PPIB: variants seen among roughly 807,000 people sequenced by gnomAD.
PPIB encodes peptidyl-prolyl cis-trans isomerase B.
A neutral mutation model predicts 20.1 loss-of-function variants in PPIB; 15 were observed. That is an observed-to-expected ratio of 0.75 (90% CI 0.50 to 1.15). The LOEUF is 1.15. Ranked by LOEUF, PPIB falls within the 50% of genes most tolerant of loss-of-function variation. The pLI, the probability that PPIB is intolerant of heterozygous loss-of-function variation, is 0.00. For synonymous variants in PPIB, 129 were observed against 111.0 expected, an observed-to-expected ratio of 1.16 and a Z score of -1.02; for missense variants, 278 against 283.0, an observed-to-expected ratio of 0.98 and a Z score of 0.13.
In PPIB at chr15:64,161,308, CTA is replaced by C. The variant is rs980998804; in HGVS notation, c.249+731_249+732del. On this transcript the variant is annotated intron_variant, in intron 2 of 4. Coordinates refer to ENST00000300026, the MANE Select transcript of PPIB (RefSeq NM_000942.5). The surrounding 1 kb of genome is among the most constrained non-coding windows in gnomAD (Gnocchi z 4.2). ...TTTTTTTTTGAGACAGGGTCTCACT[CTA>C]TTGCTCAGGCTGGAGTGCAGTGGCA... Among the ~76,000 whole-genome samples the C allele has an allele frequency of 6.6e-6, 1 of 151,486 alleles. No individual in the cohort carries two copies. The highest frequency in any genetic ancestry group is 2.4e-5 in the African/African-American group (1 of 41,176).
chr15:64,159,587 A>G lies in PPIB; in HGVS notation c.343+517T>C. On this transcript the variant is annotated intron_variant, in intron 3 of 4. Transcript: ENST00000300026. This position sits in a 1 kb window ranked among gnomAD's most constrained non-coding sequence, Gnocchi z 5.1. ...GGCTAATCTTTTGTATTTTTAGTAG[A>G]GATGGGGTTTCAACATGTTGGCCAG... The G allele has an allele frequency of 5.7e-6, 1 of 176,126 alleles. No homozygotes were observed. Among genetic ancestry groups the G allele is most frequent in the Non-Finnish European group, 1.2e-5 (1 of 81,580 alleles). 10.9% of individuals were successfully genotyped at this position (176,126 alleles called of 1,614,324 possible). A position where few individuals can be genotyped will look rare whatever the true frequency, so the allele number is the denominator to read the frequency against.
chr15:64,158,419 A>G lies in PPIB; in HGVS notation c.344-1510T>C, dbSNP rs985600691. Among the ~76,000 whole-genome samples, 2 of 152,226 alleles carry G rather than the reference A, an allele frequency of 1.3e-5. No homozygotes were observed. Among genetic ancestry groups the G allele is most frequent in the Non-Finnish European group, 1.5e-5 (1 of 68,028 alleles). On this transcript the variant is annotated intron_variant, in intron 3 of 4. Transcript: ENST00000300026. The surrounding 1 kb of genome is among the most constrained non-coding windows in gnomAD (Gnocchi z 4.7). The stretch of plus-strand genomic sequence containing the variant: ...GCCCCAGCAGAGCAACAGCGGGGCT[A>G]GAGTTCAGACCAAGGTGGTCTGCTC...
rs1457487504 is a variant in PPIB at position 64,160,133 on chromosome 15, C to T, written c.314G>A (p.Gly105Glu). The change falls in exon 3 of 5, where the codon GGA becomes GAA. Residue 105 changes from glycine (G) to glutamate (E), a missense_variant. Gly to Glu is a moderately conservative substitution (Grantham distance 98). Transcript: ENST00000300026. The surrounding 1 kb of genome is among the most constrained non-coding windows in gnomAD (Gnocchi z 4.8). ...TGTGCCATCTCCCCTGGTGAAGTCTCCGCCCTGGATCATGAAGTCCTTGAT... is the reference window on the plus strand; with the variant it reads ...TGTGCCATCTCCCCTGGTGAAGTCTTCGCCCTGGATCATGAAGTCCTTGAT... ...RVIKDFMIQG[G>E]DFTRGDGTGG... is the part of the protein sequence containing the mutation. 6.2e-6 allele frequency: 10 copies of T among 1,614,142 alleles called. No homozygotes were observed. In the South Asian group the frequency reaches 9.9e-5, roughly 16 times the overall value.
In PPIB at chr15:64,159,975, A is replaced by T; in HGVS notation, c.343+129T>A. ...AGAAGGGTGCCGCTGGTCTCAAAGT[A>T]GGTAAGTAATAAGTAGGCCTGCCTC... On this transcript the variant is annotated intron_variant, in intron 3 of 4. Coordinates refer to ENST00000300026, the MANE Select transcript of PPIB (RefSeq NM_000942.5). This position sits in a 1 kb window ranked among gnomAD's most constrained non-coding sequence, Gnocchi z 5.1. 1 of 803,406 alleles carries T rather than the reference A, an allele frequency of 1.2e-6. No homozygotes were observed. The highest frequency in any genetic ancestry group is 2.2e-6 in the Non-Finnish European group (1 of 461,072). 49.8% of individuals were successfully genotyped at this position (803,406 alleles called of 1,614,324 possible). A position where few individuals can be genotyped will look rare whatever the true frequency, so the allele number is the denominator to read the frequency against.
At position 64,160,134 on chromosome 15, in the gene PPIB, C is replaced by T. The variant is rs137853866; in HGVS notation, c.313G>A (p.Gly105Arg). The T allele has an allele frequency of 9.3e-6, 15 of 1,614,070 alleles. No individual in the cohort carries two copies. The highest frequency in any genetic ancestry group is 2.2e-5 in the East Asian group (1 of 44,892). The change falls in exon 3 of 5, where the codon GGA becomes AGA. Residue 105 changes from glycine (G) to arginine (R), a missense_variant. Gly to Arg is a moderately radical substitution (Grantham distance 125). Transcript: ENST00000300026. This position sits in a 1 kb window ranked among gnomAD's most constrained non-coding sequence, Gnocchi z 4.8. ...GTGCCATCTCCCCTGGTGAAGTCTC[C>T]GCCCTGGATCATGAAGTCCTTGATT... ...RVIKDFMIQGGDFTRGDGTGG... is the reference protein window; with the variant it reads ...RVIKDFMIQGRDFTRGDGTGG...
rs1429856869 is a variant in PPIB at position 64,158,335 on chromosome 15, TGAG to T, written c.344-1429_344-1427del. Among the ~76,000 whole-genome samples, 1 of 152,122 alleles carries T rather than the reference TGAG, an allele frequency of 6.6e-6. No individual in the cohort carries two copies. Among genetic ancestry groups the T allele is most frequent in the Admixed American group, 6.5e-5 (1 of 15,268 alleles). Reference sequence around the variant, plus strand: ...CTTACATATTTAACAATCCACTCTATGAGGAGGAGCTAACTCCACTTCAAAGAT... The same window carrying T: ...CTTACATATTTAACAATCCACTCTATGAGGAGCTAACTCCACTTCAAAGAT... On this transcript the variant is annotated intron_variant, in intron 3 of 4. Transcript: ENST00000300026. This position sits in a 1 kb window ranked among gnomAD's most constrained non-coding sequence, Gnocchi z 4.7.
At position 64,159,547 on chromosome 15, in the gene PPIB, C is replaced by T. The variant is rs28720186; in HGVS notation, c.343+557G>A. On this transcript the variant is annotated intron_variant, in intron 3 of 4. Transcript: ENST00000300026. The surrounding 1 kb of genome is among the most constrained non-coding windows in gnomAD (Gnocchi z 5.1). ...TCCCAAGTAACTGGGATTATAGGCGCGTGCCACCACGCCCGGCTAATCTTT... is the reference window on the plus strand; with the variant it reads ...TCCCAAGTAACTGGGATTATAGGCGTGTGCCACCACGCCCGGCTAATCTTT... 0.18 allele frequency: 29,308 copies of T among 164,318 alleles called. 3,513 individuals carry two copies. Among genetic ancestry groups the T allele is most frequent in the African/African-American group, 0.35 (14,655 of 41,562 alleles). The allele number at this position is 164,318 out of a possible 1,614,324, so 10.2% of individuals were successfully genotyped here.
chr15:64,159,962 C>T lies in PPIB; in HGVS notation c.343+142G>A. 1 of 749,058 alleles carries T rather than the reference C, an allele frequency of 1.3e-6. No homozygotes were observed. The highest frequency in any genetic ancestry group is 2.4e-6 in the Non-Finnish European group (1 of 417,868). The allele number at this position is 749,058 out of a possible 1,614,324, so 46.4% of individuals were successfully genotyped here. On this transcript the variant is annotated intron_variant, in intron 3 of 4. Transcript: ENST00000300026. The surrounding 1 kb of genome is among the most constrained non-coding windows in gnomAD (Gnocchi z 5.1). ...GTTCCCTCTTCAAAGAAGGGTGCCG[C>T]TGGTCTCAAAGTAGGTAAGTAATAA...
chr15:64,162,886 T>G lies in PPIB; in HGVS notation c.101A>C (p.Asp34Ala). ...FLLLPGPSAA[D>A]EKKKGPKVTV... The stretch of plus-strand genomic sequence containing the variant: ...GACTTTGGGCCCCTTCTTCTTCTCA[T>G]CGGCCGCAGAAGGTCCCGGCAGCAG... The change falls in exon 1 of 5, where the codon GAT becomes GCT. Residue 34 changes from aspartate (D) to alanine (A), a missense_variant. Physicochemically the swap from Asp to Ala is moderately radical, Grantham distance 126. Coordinates refer to ENST00000300026, the MANE Select transcript of PPIB (RefSeq NM_000942.5). The G allele has an allele frequency of 6.2e-7, 1 of 1,612,614 alleles. No homozygotes were observed. The highest frequency in any genetic ancestry group is 1.1e-5 in the South Asian group (1 of 90,760).
In PPIB at chr15:64,156,181, G is replaced by C; in HGVS notation, c.529-36C>G. On this transcript the variant is annotated intron_variant, in intron 4 of 4. Coordinates refer to ENST00000300026, the MANE Select transcript of PPIB (RefSeq NM_000942.5). The surrounding 1 kb of genome is among the most constrained non-coding windows in gnomAD (Gnocchi z 6.4). Reference sequence around the variant, plus strand: ...AAGGTGGAAGCAGGAGGGCATGGTGGATCAGGAGGTCCACCGCTCAGGAGA... The same window carrying C: ...AAGGTGGAAGCAGGAGGGCATGGTGCATCAGGAGGTCCACCGCTCAGGAGA... 6.2e-7 allele frequency: 1 copy of C among 1,613,060 alleles called. No individual in the cohort carries two copies. The highest frequency in any genetic ancestry group is 1.7e-5 in the Admixed American group (1 of 59,964).
chr15:64,159,617 G>C lies in PPIB; in HGVS notation c.343+487C>G, dbSNP rs1225240387. On this transcript the variant is annotated intron_variant, in intron 3 of 4. Transcript: ENST00000300026. This position sits in a 1 kb window ranked among gnomAD's most constrained non-coding sequence, Gnocchi z 5.1. ...GGGTTTCAACATGTTGGCCAGGCTG[G>C]TCTTGAACTCCTGGCCTCAAGTGAT... is the stretch of plus-strand genomic sequence containing the variant. 3 of 199,826 alleles carry C rather than the reference G, an allele frequency of 1.5e-5. No individual in the cohort carries two copies. The East Asian group carries it at 3.8e-4, about 25-fold the overall frequency. The allele number at this position is 199,826 out of a possible 1,614,324, so 12.4% of individuals were successfully genotyped here.
At position 64,159,996 on chromosome 15, in the gene PPIB, G is replaced by A; in HGVS notation, c.343+108C>T. Reference sequence around the variant, plus strand: ...AAGTAGGTAAGTAATAAGTAGGCCTGCCTCTAGAGCTGGGGAAGAAAGAGG... The same window carrying A: ...AAGTAGGTAAGTAATAAGTAGGCCTACCTCTAGAGCTGGGGAAGAAAGAGG... On this transcript the variant is annotated intron_variant, in intron 3 of 4. Transcript: ENST00000300026. The surrounding 1 kb of genome is among the most constrained non-coding windows in gnomAD (Gnocchi z 5.1). 2.1e-6 allele frequency: 2 copies of A among 960,122 alleles called. No homozygotes were observed. Among genetic ancestry groups the A allele is most frequent in the Non-Finnish European group, 3.4e-6 (2 of 593,438 alleles). The allele number at this position is 960,122 out of a possible 1,614,324, so 59.5% of individuals were successfully genotyped here. A position where few individuals can be genotyped will look rare whatever the true frequency, so the allele number is the denominator to read the frequency against.
Position 64,156,886 on chromosome 15 carries a change from A to G in PPIB, c.367T>C (p.Phe123Leu), listed in dbSNP as rs1370321804. Residue 123 changes from phenylalanine to leucine, a missense_variant, in exon 4 of 5, where the codon TTC (phenylalanine) becomes CTC (leucine). Phe to Leu is a conservative substitution (Grantham distance 22, BLOSUM62 0). Transcript: ENST00000300026. The surrounding 1 kb of genome is among the most constrained non-coding windows in gnomAD (Gnocchi z 6.4). ...TTCAGTTTGAAGTTCTCATCGGGGA[A>G]GCGCTCACCGTAGATGCTCTTTCCT... is the stretch of plus-strand genomic sequence containing the variant. ...TGGKSIYGER[F>L]PDENFKLKHY... The G allele has an allele frequency of 6.2e-7, 1 of 1,614,144 alleles. No homozygotes were observed. The highest frequency in any genetic ancestry group is 2.2e-5 in the East Asian group (1 of 44,876).
rs540855873 is a variant in PPIB, at chr15:64,155,943, G to A, written c.*80C>T. The A allele has an allele frequency of 2.0e-4, 329 of 1,606,420 alleles. 3 individuals are homozygous for A. The South Asian group carries it at 2.5e-3, about 12-fold the overall frequency. On this transcript the variant is annotated 3_prime_UTR_variant, in exon 5 of 5. Coordinates refer to ENST00000300026, the MANE Select transcript of PPIB (RefSeq NM_000942.5). ...GTCCGCTCCACCAGATGCCAGCACC[G>A]GGGCCAGTGCAGCTCAGAGCCCTGT... is the stretch of plus-strand genomic sequence containing the variant.
chr15:64,157,138 G>A lies in PPIB; in HGVS notation c.344-229C>T, dbSNP rs1198445965. 1.7e-6 allele frequency: 1 copy of A among 588,740 alleles called. No homozygotes were observed. The highest frequency in any genetic ancestry group is 2.8e-5 in the East Asian group (1 of 35,478). The allele number at this position is 588,740 out of a possible 1,614,324, so 36.5% of individuals were successfully genotyped here. ...AGGCTGATGTGGTGAACAGCTCACA[G>A]AAGGATTACTTTGAGAAGATAGTTT... On this transcript the variant is annotated intron_variant, in intron 3 of 4. Transcript: ENST00000300026. This position sits in a 1 kb window ranked among gnomAD's most constrained non-coding sequence, Gnocchi z 4.2.
At position 64,156,628 on chromosome 15, in the gene PPIB, T is replaced by C. The variant is rs1241028637; in HGVS notation, c.528+97A>G. 4.7e-6 allele frequency: 7 copies of C among 1,480,682 alleles called. No individual in the cohort carries two copies. The highest frequency in any genetic ancestry group is 1.4e-5 in the African/African-American group (1 of 72,078). 91.7% of individuals were successfully genotyped at this position (1,480,682 alleles called of 1,614,324 possible). A position where few individuals can be genotyped will look rare whatever the true frequency, so the allele number is the denominator to read the frequency against. On this transcript the variant is annotated intron_variant, in intron 4 of 4. Transcript: ENST00000300026. This position sits in a 1 kb window ranked among gnomAD's most constrained non-coding sequence, Gnocchi z 6.4. The stretch of plus-strand genomic sequence containing the variant: ...GGCTGCATCTGTGGGTTGGGTCCTT[T>C]TGGGAAAGGGATGGACACATGGAGC...
rs1043949990 is a variant in PPIB, at chr15:64,160,291, G to A, written c.250-94C>T. On this transcript the variant is annotated intron_variant, in intron 2 of 4. Transcript: ENST00000300026. The surrounding 1 kb of genome is among the most constrained non-coding windows in gnomAD (Gnocchi z 4.8). ...TCACAGGAACAAGTCCACAACTCCTGCTCGCAGAAGAGACACCACTGCTGA... is the reference window on the plus strand; with the variant it reads ...TCACAGGAACAAGTCCACAACTCCTACTCGCAGAAGAGACACCACTGCTGA... 2.3e-5 allele frequency: 23 copies of A among 1,014,478 alleles called. No individual in the cohort carries two copies. Among genetic ancestry groups the A allele is most frequent in the Non-Finnish European group, 3.2e-5 (21 of 646,530 alleles). 62.8% of individuals were successfully genotyped at this position (1,014,478 alleles called of 1,614,324 possible).
chr15:64,156,462 G>A lies in PPIB; in HGVS notation c.528+263C>T. ...CTGCACTCTGTATACCTCAGGGGTG[G>A]GACCAGCACGTCACTGAGTGAAGGA... On this transcript the variant is annotated intron_variant, in intron 4 of 4. Transcript: ENST00000300026. This position sits in a 1 kb window ranked among gnomAD's most constrained non-coding sequence, Gnocchi z 6.4. The A allele has an allele frequency of 1.6e-6, 1 of 617,620 alleles. No homozygotes were observed. The highest frequency in any genetic ancestry group is 2.9e-6 in the Non-Finnish European group (1 of 348,388). The allele number at this position is 617,620 out of a possible 1,614,324, so 38.3% of individuals were successfully genotyped here.
Position 64,156,025 on chromosome 15 carries a change from ACTC to A in PPIB, c.646_648del (p.Glu216del). On this transcript the variant is annotated inframe_deletion, in exon 5 of 5. Transcript: ENST00000300026. The surrounding 1 kb of genome is among the most constrained non-coding windows in gnomAD (Gnocchi z 6.4). ...TCAAAGAAAGATGTCCCTGTGCCCT[ACTC>A]CTTGGCGATGGCAAAGGGCTTCTCC... The A allele has an allele frequency of 6.2e-7, 1 of 1,613,846 alleles. No individual in the cohort carries two copies. Among genetic ancestry groups the A allele is most frequent in the South Asian group, 1.1e-5 (1 of 91,072 alleles).
Sources: gnomAD v4.1 joint callset for allele counts (sites outside exome capture counted in the v4.1 genomes callset) on GRCh38, gnomAD v4.1.1 for gene constraint, Gnocchi (gnomAD v3.1) non-coding constraint, MANE v1.5 for transcripts, NCBI Gene and HGNC (gene_info 2026-07-23, HGNC 2026-07-21) for gene names.